MDM2: variants seen among roughly 807,000 people sequenced by gnomAD.
MDM2 encodes the protein E3 ubiquitin-protein ligase Mdm2.
A neutral mutation model predicts 64.3 loss-of-function variants in MDM2; 11 were observed. That is an observed-to-expected ratio of 0.17 (90% confidence interval 0.11 to 0.28). The LOEUF (loss-of-function observed/expected upper bound fraction) is 0.28, where lower values mean the gene tolerates loss of function less well. MDM2 is among the 10% of genes least tolerant of loss of function. The probability of loss-of-function intolerance (pLI) is 1.00; values close to 1 mark genes in which losing one functional copy is unlikely to be tolerated. For synonymous variants in MDM2, 194 were observed against 192.9 expected, an observed-to-expected ratio of 1.01 and a Z score of -0.05; for missense variants, 388 against 577.1, an observed-to-expected ratio of 0.67 and a Z score of 3.36.
At position 68,839,948 on chromosome 12, in the gene MDM2, C is replaced by A; in HGVS notation, c.*99C>A. The A allele has an allele frequency of 9.4e-7, 1 of 1,067,104 alleles. No individual in the cohort carries two copies. The highest frequency in any genetic ancestry group is 1.3e-6 in the Non-Finnish European group (1 of 751,326). 66.1% of individuals were successfully genotyped at this position (1,067,104 alleles called of 1,614,324 possible). On this transcript the variant is annotated 3_prime_UTR_variant, in exon 11 of 11. Coordinates refer to ENST00000258149, the MANE Select transcript of MDM2 (RefSeq NM_002392.6). The stretch of plus-strand genomic sequence containing the variant: ...CACATATATCAAAGTGAGAAAATGC[C>A]TCAATTCACATAGATTTCTTCTCTT...
At chr12:68,809,043 A>G in intron 1 of MDM2, 165 bp from the exon 2 acceptor site, 1 of 1,495,212 alleles carries the variant, frequency 6.7e-7, no homozygotes, top group Admixed American at 2.3e-5. Flanking sequence ...TGGAGGGTAG[A>G]CCTGTGGGCA....
Position 68,842,228 on chromosome 12 carries a change from T to TTA in MDM2, c.*2382_*2383dup, listed in dbSNP as rs1462738248. ...AGATCAAACAAATGCCAAGCTATAT[T>TTA]TATAATGAACAAATTCAAGAAAAAG... On this transcript the variant is annotated 3_prime_UTR_variant, in exon 11 of 11. Coordinates refer to ENST00000258149, the MANE Select transcript of MDM2 (RefSeq NM_002392.6). 1 of 498,854 alleles carries TTA rather than the reference T, an allele frequency of 2.0e-6. No individual in the cohort carries two copies. Among genetic ancestry groups the TTA allele is most frequent in the East Asian group, 4.6e-5 (1 of 21,594 alleles). 30.9% of individuals were successfully genotyped at this position (498,854 alleles called of 1,614,324 possible).
chr12:68,821,442 G>C (rs1051955412), intron 5 of MDM2, among the ~76,000 whole-genome samples: 3 of 152,114 alleles, frequency 2.0e-5, no homozygotes, highest in African/African-American at 7.2e-5. Context: ...ATGCTCTTAG[G>C]CCAGGTGTGA....
rs766375101 is a variant in MDM2, at chr12:68,835,838, G to A, written c.694G>A (p.Ala232Thr). ...TTTTTTCTTGTTTTAGGATCTTGAT[G>A]CTGGTGTAAGTGAACATTCAGGTGA... Reference protein sequence around the residue: ...TGTPSNPDLDAGVSEHSGDWL... With the variant: ...TGTPSNPDLDTGVSEHSGDWL... Residue 232 changes from alanine (A) to threonine (T), a missense_variant, in exon 9 of 11, where the codon GCT (alanine) becomes ACT (threonine). Transcript: ENST00000258149. The A allele has an allele frequency of 1.2e-6, 2 of 1,611,728 alleles. No individual in the cohort carries two copies. Among genetic ancestry groups the A allele is most frequent in the Admixed American group, 3.4e-5 (2 of 59,668 alleles).
In MDM2 at chr12:68,840,495, G is replaced by GT. The variant is rs1883672610; in HGVS notation, c.*652dup. 5.4e-6 allele frequency: 1 copy of GT among 186,754 alleles called. No individual in the cohort carries two copies. Among genetic ancestry groups the GT allele is most frequent in the African/African-American group, 2.5e-5 (1 of 39,550 alleles). The allele number at this position is 186,754 out of a possible 1,614,324, so 11.6% of individuals were successfully genotyped here. Reference sequence around the variant, plus strand: ...AAAGAGAAAATGTGTGAAAGATTTAGTTTTTTGTTTTTTTGTTTGTTTGTT... The same window carrying GT: ...AAAGAGAAAATGTGTGAAAGATTTAGTTTTTTTGTTTTTTTGTTTGTTTGTT... On this transcript the variant is annotated 3_prime_UTR_variant, in exon 11 of 11. Transcript: ENST00000258149.
At chr12:68,835,248 A>T (rs1024549395) in intron 8 of MDM2, among the ~76,000 whole-genome samples, 2 of 152,224 alleles carry the variant, frequency 1.3e-5, no homozygotes, top group African/African-American at 4.8e-5. Flanking sequence ...ACAAGTAGTA[A>T]GGATAATTAA....
chr12:68,842,998 C>T lies in MDM2; in HGVS notation c.*3149C>T, dbSNP rs1303348913. The T allele has an allele frequency of 4.7e-6, 1 of 212,318 alleles. No homozygotes were observed. The highest frequency in any genetic ancestry group is 9.5e-6 in the Non-Finnish European group (1 of 105,104). 13.2% of individuals were successfully genotyped at this position (212,318 alleles called of 1,614,324 possible). On this transcript the variant is annotated 3_prime_UTR_variant, in exon 11 of 11. Coordinates refer to ENST00000258149, the MANE Select transcript of MDM2 (RefSeq NM_002392.6). Reference sequence around the variant, plus strand: ...TGCTTTGGCAAATACTAAGTTCTAACTTGTCATTCCTGGTAGAACAAGCTT... The same window carrying T: ...TGCTTTGGCAAATACTAAGTTCTAATTTGTCATTCCTGGTAGAACAAGCTT...
At chr12:68,817,471 C>T (rs1051925777) in intron 4 of MDM2, among the ~76,000 whole-genome samples, 13 of 152,226 alleles carry the variant, frequency 8.5e-5, no homozygotes, top group Non-Finnish European at 1.5e-4. Context: ...AGAAATAGGC[C>T]TGGTGCGGTG....
In MDM2 at chr12:68,808,422, G is replaced by A; in HGVS notation, c.-56G>A. ...AGGGCGTCGTGCTTCCGCGCGCCCC[G>A]TGAAGGAAACTGGGGAGTCTTGAGG... On this transcript the variant is annotated 5_prime_UTR_variant, in exon 1 of 11. In the 5' UTR this introduces an upstream ATG that the reference lacks. Coordinates refer to ENST00000258149, the MANE Select transcript of MDM2 (RefSeq NM_002392.6). 1.2e-6 allele frequency: 2 copies of A among 1,613,302 alleles called. No homozygotes were observed. The highest frequency in any genetic ancestry group is 1.1e-5 in the South Asian group (1 of 91,062).
intron 10 of MDM2, among the ~76,000 whole-genome samples, chr12:68,838,104 T>C (rs1883454568): frequency 6.6e-6 from 1 of 152,240 alleles, no homozygotes; most frequent in African/African-American, 2.4e-5. Context: ...CAAGACCTTT[T>C]TCTTTGGTTT....
intron 2 of MDM2, among the ~76,000 whole-genome samples, chr12:68,811,266 C>G (rs3730502): frequency 0.015 from 2,312 of 152,202 alleles, 29 homozygotes; most frequent in South Asian, 0.024. Context: ...TGGAGTAGCT[C>G]TATGTGTTTC....
intron 3 of MDM2, among the ~76,000 whole-genome samples, chr12:68,814,031 TAGA>T (rs1353441765): frequency 6.6e-6 from 1 of 152,232 alleles, no homozygotes; most frequent in African/African-American, 2.4e-5. Context: ...TACTAAGATT[TAGA>T]AGAAGATATA....
At chr12:68,809,132 G>C in intron 1 of MDM2, 76 bp from the exon 2 acceptor site, 4 of 1,582,306 alleles carry the variant, frequency 2.5e-6, no homozygotes, top group South Asian at 2.3e-5. Context: ...TGTTGTTTAT[G>C]TTCTTTATAT....
intron 8 of MDM2, among the ~76,000 whole-genome samples, chr12:68,831,532 G>A (rs960889719): frequency 1.3e-5 from 2 of 152,166 alleles, no homozygotes; most frequent in East Asian, 3.9e-4. Flanking sequence ...AGAGGACAAC[G>A]GTGGGAATCG....
Position 68,818,864 on chromosome 12 carries a change from G to A in MDM2, c.309-1461G>A, listed in dbSNP as rs142596410. Among the ~76,000 whole-genome samples, 912 of 151,716 alleles carry A rather than the reference G, an allele frequency of 6.0e-3. 11 individuals are homozygous for A. The highest frequency in any genetic ancestry group is 0.021 in the African/African-American group (861 of 41,344). ...TCTTGCCTCAGCCTCCTGAGTAGCT[G>A]GGATTACAGGTGCACACTACTATGA... On this transcript the variant is annotated intron_variant, in intron 4 of 10. Transcript: ENST00000258149.
At chr12:68,821,749 A>T (rs1881876277) in intron 5 of MDM2, among the ~76,000 whole-genome samples, 1 of 152,074 alleles carries the variant, frequency 6.6e-6, no homozygotes. Context: ...AAAACAAAAA[A>T]ACACCTCTCA....
intron 8 of MDM2, among the ~76,000 whole-genome samples, chr12:68,834,466 G>A (rs1184301845): frequency 6.6e-6 from 1 of 151,628 alleles, no homozygotes; most frequent in Non-Finnish European, 1.5e-5. Context: ...GCCGGGCATG[G>A]TGGCTCACAC....
In MDM2 at chr12:68,839,613, T is replaced by G; in HGVS notation, c.1258T>G (p.Phe420Val). The G allele has an allele frequency of 6.2e-7, 1 of 1,613,092 alleles. No individual in the cohort carries two copies. Among genetic ancestry groups the G allele is most frequent in the Non-Finnish European group, 8.5e-7 (1 of 1,179,880 alleles). The change falls in exon 11 of 11, where the codon TTT (phenylalanine) becomes GTT (valine). Residue 420 changes from phenylalanine to valine, a missense_variant. This residue lies in a region of MDM2 where 138 missense variants were observed against 143.7 expected (regional missense o/e 0.96). Transcript: ENST00000258149. ...IYSSQEDVKE[F>V]EREETQDKEE... is the part of the protein sequence containing the mutation. ...TAGCAGCCAAGAAGATGTGAAAGAG[T>G]TTGAAAGGGAAGAAACCCAAGACAA... is the stretch of plus-strand genomic sequence containing the variant.
chr12:68,808,538 G>A (rs1880564440), intron 1 of MDM2, 47 bp downstream of exon 1: 3 of 1,613,080 alleles, frequency 1.9e-6, no homozygotes, highest in Non-Finnish European at 2.5e-6. Context: ...GGGCTCTGAC[G>A]GTGTCCCCTC....
Sources: allele counts gnomAD v4.1 joint callset (sites outside exome capture counted in the v4.1 genomes callset), GRCh38; gene constraint gnomAD v4.1.1; regional missense constraint gnomAD v4.1.1; transcripts MANE v1.5; gene names NCBI Gene and HGNC (gene_info 2026-07-23, HGNC 2026-07-21).